GATM: variants seen among roughly 807,000 people sequenced by gnomAD.
GATM encodes glycine amidinotransferase, mitochondrial.
A neutral mutation model predicts 54.2 loss-of-function variants in GATM; 23 were observed. The observed-to-expected ratio is 0.42, with a 90% CI of 0.31 to 0.60. The LOEUF (loss-of-function observed/expected upper bound fraction) is 0.60. Among genes scored for constraint, GATM ranks in the 20% least tolerant of loss-of-function variants. The pLI is 0.14. For missense variants in GATM, 401 were observed against 544.9 expected (o/e 0.74, Z 2.63); for synonymous variants, 168 against 183.1 (o/e 0.92, Z 0.67).
intron 3 of GATM, among the ~76,000 whole-genome samples, chr15:45,395,457 T>C (rs531858342): frequency 7.9e-5 from 12 of 152,286 alleles, no homozygotes; most frequent in African/African-American, 2.9e-4. Flanking sequence ...ACCTAGCATT[T>C]TGCTCAACGC....
intron 3 of GATM, chr15:45,396,319 A>C (rs1283976924): frequency 1.3e-5 from 2 of 152,204 alleles, no homozygotes. Flanking sequence ...CATTTAGATA[A>C]ACTAAATTGT....
At chr15:45,392,503 G>T (rs552309572) in intron 3 of GATM, among the ~76,000 whole-genome samples, 1 of 152,320 alleles carries the variant, frequency 6.6e-6, no homozygotes, top group South Asian at 2.1e-4. Flanking sequence ...CACAGAACGT[G>T]GGGTAGGTAA....
At chr15:45,382,781 G>C (rs1456585900), upstream of GATM, among the ~76,000 whole-genome samples, 1 of 152,028 alleles carries the variant, frequency 6.6e-6, no homozygotes, top group East Asian at 1.9e-4. Context: ...CAACAGGAGA[G>C]AAACTCTGTC....
upstream of GATM, among the ~76,000 whole-genome samples, chr15:45,382,321 C>T (rs991599513): frequency 1.3e-5 from 2 of 152,126 alleles, no homozygotes; most frequent in Non-Finnish European, 2.9e-5. Context: ...AGGCTGAGCA[C>T]AAGTGATCTG....
chr15:45,378,660 G>A, upstream of GATM: 4 of 420,410 alleles, frequency 9.5e-6, no homozygotes, highest in Non-Finnish European at 1.7e-5. Context: ...CCCGAATTAG[G>A]AACTGTCGGG....
chr15:45,370,743 A>G (rs57938678), intron 2 of GATM, among the ~76,000 whole-genome samples: 1 of 152,198 alleles, frequency 6.6e-6, no homozygotes, highest in East Asian at 1.9e-4. Flanking sequence ...TGAATAGGGT[A>G]GGTGCAACAG....
intron 3 of GATM, among the ~76,000 whole-genome samples, chr15:45,393,359 C>A (rs1236947798): frequency 1.3e-5 from 2 of 151,948 alleles, no homozygotes; most frequent in Non-Finnish European, 2.9e-5. Flanking sequence ...CACTTACTAG[C>A]TGTGTGAACT....
At chr15:45,364,187 C>T in intron 7 of GATM, 171 bp from the exon 8 acceptor site, 2 of 634,202 alleles carry the variant, frequency 3.2e-6, no homozygotes, top group Middle Eastern at 4.0e-4. Context: ...ATGAATCAAT[C>T]TGTACTCATT....
At chr15:45,374,825 C>T (rs1033998934) in intron 2 of GATM, among the ~76,000 whole-genome samples, 3 of 152,154 alleles carry the variant, frequency 2.0e-5, no homozygotes, top group Non-Finnish European at 2.9e-5. Flanking sequence ...CTGAAGACCA[C>T]GACAATGCTG....
intron 3 of GATM, among the ~76,000 whole-genome samples, chr15:45,393,505 C>T (rs16942663): frequency 0.026 from 3,887 of 152,186 alleles, 195 homozygotes; most frequent in African/African-American, 0.091. Flanking sequence ...GTACCTGGTA[C>T]TCTATCTGTG....
intron 3 of GATM, among the ~76,000 whole-genome samples, chr15:45,389,539 G>A (rs1889844082): frequency 6.6e-6 from 1 of 152,178 alleles, no homozygotes; most frequent in African/African-American, 2.4e-5. Flanking sequence ...CACCTCCCAG[G>A]CTGAAGTGAT....
chr15:45,387,763 A>G (rs1183704905), intron 3 of GATM, among the ~76,000 whole-genome samples: 2 of 152,214 alleles, frequency 1.3e-5, no homozygotes, highest in East Asian at 1.9e-4. Context: ...TATTTACAGA[A>G]TTTTAAAACT....
intron 3 of GATM, among the ~76,000 whole-genome samples, chr15:45,394,729 C>G (rs1889908733): frequency 6.6e-6 from 1 of 152,172 alleles, no homozygotes; most frequent in African/African-American, 2.4e-5. Context: ...GGGAGGGAAA[C>G]AGTGACCTTC....
Position 45,366,113 on chromosome 15 carries a change from A to G in GATM, c.911T>C (p.Ile304Thr), listed in dbSNP as rs1334969328. ...ISFKDPNPMH[I>T]DATFNIIGPG... ...TCCAATGATGTTGAAGGTAGCATCA[A>G]TATGCATGGGATTGGGATCTTTAAA... is the stretch of plus-strand genomic sequence containing the variant. The change falls in exon 6 of 9, where the codon ATT (isoleucine) becomes ACT (threonine). Residue 304 changes from isoleucine to threonine, a missense_variant. By Grantham distance (89) the Ile-to-Thr change is moderately conservative. Transcript: ENST00000396659. 2 of 1,613,962 alleles carry G rather than the reference A, an allele frequency of 1.2e-6. No homozygotes were observed. The highest frequency in any genetic ancestry group is 1.7e-5 in the Admixed American group (1 of 59,998).
chr15:45,375,238 T>G (rs925325936), intron 2 of GATM, among the ~76,000 whole-genome samples: 1 of 151,990 alleles, frequency 6.6e-6, no homozygotes, highest in Non-Finnish European at 1.5e-5. Context: ...GCCTGGCTAA[T>G]TTTTGTATTT....
chr15:45,385,802 C>T (rs946086349), intron 3 of GATM, among the ~76,000 whole-genome samples: 1 of 152,170 alleles, frequency 6.6e-6, no homozygotes, highest in Non-Finnish European at 1.5e-5. Flanking sequence ...GACAATGGAC[C>T]TAAACAAACA....
upstream of GATM, chr15:45,379,322 C>G (rs572562364): frequency 6.6e-6 from 1 of 152,156 alleles, no homozygotes; most frequent in South Asian, 2.1e-4. Flanking sequence ...CTAGAGAACT[C>G]AGGTTAACAT....
intron 4 of GATM, among the ~76,000 whole-genome samples, chr15:45,367,438 T>C (rs1436880494): frequency 1.3e-5 from 2 of 152,174 alleles, no homozygotes; most frequent in Non-Finnish European, 2.9e-5. Context: ...TCTGTTCTTT[T>C]AGAAAAGGAA....
At chr15:45,393,435 T>C (rs1209852505) in intron 3 of GATM, among the ~76,000 whole-genome samples, 3 of 151,772 alleles carry the variant, frequency 2.0e-5, no homozygotes, top group Non-Finnish European at 4.4e-5. Context: ...AAAAAATAGT[T>C]CCAACCTCCC....
Sources: gnomAD v4.1 joint callset for allele counts (sites outside exome capture counted in the v4.1 genomes callset) on GRCh38, gnomAD v4.1.1 for gene constraint, MANE v1.5 for transcripts, NCBI Gene and HGNC (gene_info 2026-07-23, HGNC 2026-07-21) for gene names.